AGBL3: variants seen among roughly 807,000 people sequenced by gnomAD.
AGBL3 encodes the protein cytosolic carboxypeptidase 3.
Under a neutral mutation model 94.5 loss-of-function variants are expected in AGBL3, and 68 were observed. That is an observed-to-expected ratio of 0.72 (90% CI 0.59 to 0.88). The LOEUF is 0.88. AGBL3 is among the 40% of genes least tolerant of loss of function. The pLI, the probability that AGBL3 is intolerant of heterozygous loss-of-function variation, is 0.00. For synonymous variants in AGBL3, 354 were observed against 370.7 expected, an observed-to-expected ratio of 0.95 and a Z score of 0.52; for missense variants, 934 against 1,103.8, an observed-to-expected ratio of 0.85 and a Z score of 2.18.
chr7:135,067,968 C>G (rs1206064907), intron 12 of AGBL3, among the ~76,000 whole-genome samples: 1 of 152,096 alleles, frequency 6.6e-6, no homozygotes, highest in African/African-American at 2.4e-5. Flanking sequence ...GAACCCATGG[C>G]AAAGAAGTTA....
At chr7:135,017,610 A>T (rs1419330223) in intron 5 of AGBL3, among the ~76,000 whole-genome samples, 2 of 152,234 alleles carry the variant, frequency 1.3e-5, no homozygotes, top group Non-Finnish European at 2.9e-5. Flanking sequence ...AATCAAACAT[A>T]GAAGTCTCAG....
chr7:135,081,643 G>T, intron 14 of AGBL3, 76 bp from the exon 15 acceptor site: 1 of 1,029,866 alleles, frequency 9.7e-7, no homozygotes, highest in South Asian at 2.1e-5. Flanking sequence ...TTTCCACTTT[G>T]AAAAAAGATG....
chr7:135,067,368 G>A (rs1010024665), intron 12 of AGBL3, among the ~76,000 whole-genome samples: 6 of 152,248 alleles, frequency 3.9e-5, no homozygotes, highest in African/African-American at 1.4e-4. Context: ...AAATGTCCCT[G>A]CCTGACAGCT....
intron 6 of AGBL3, among the ~76,000 whole-genome samples, chr7:135,033,309 A>G (rs1009287450): frequency 5.3e-5 from 8 of 152,216 alleles, no homozygotes; most frequent in Non-Finnish European, 1.2e-4. Flanking sequence ...CAAGGGCATT[A>G]TTTTATTTAA....
chr7:135,082,813 G>T (rs909980715), intron 15 of AGBL3, among the ~76,000 whole-genome samples: 3 of 151,848 alleles, frequency 2.0e-5, no homozygotes, highest in African/African-American at 7.3e-5. Flanking sequence ...ATATATATAT[G>T]CATGTGTGAA....
chr7:134,991,368 G>T (rs554213800), intron 3 of AGBL3, among the ~76,000 whole-genome samples: 1 of 152,098 alleles, frequency 6.6e-6, no homozygotes, highest in Non-Finnish European at 1.5e-5. Flanking sequence ...CACACTGTAA[G>T]GACCCCTTTT....
At chr7:135,000,015 T>C (rs1262542001) in intron 4 of AGBL3, among the ~76,000 whole-genome samples, 1 of 152,202 alleles carries the variant, frequency 6.6e-6, no homozygotes, top group Non-Finnish European at 1.5e-5. Flanking sequence ...GATTTCAAAG[T>C]AGGCTCCAGT....
chr7:135,132,100 A>G (rs183562146), intron 16 of AGBL3, among the ~76,000 whole-genome samples: 19 of 152,338 alleles, frequency 1.2e-4, no homozygotes, highest in Non-Finnish European at 2.5e-4. Flanking sequence ...CTAATAAAGG[A>G]AGAATTAATA....
intron 16 of AGBL3, among the ~76,000 whole-genome samples, chr7:135,133,528 T>C (rs1349881688): frequency 6.6e-6 from 1 of 152,196 alleles, no homozygotes; most frequent in Non-Finnish European, 1.5e-5. Flanking sequence ...CAAGAACTTT[T>C]ATATAGCTAG....
At chr7:135,111,231 C>T (rs1825596444) in intron 15 of AGBL3, among the ~76,000 whole-genome samples, 1 of 152,142 alleles carries the variant, frequency 6.6e-6, no homozygotes, top group Non-Finnish European at 1.5e-5. Flanking sequence ...GCTCTAGATC[C>T]CATGTCCATC....
intron 4 of AGBL3, among the ~76,000 whole-genome samples, chr7:135,003,988 T>C (rs918517767): frequency 2.0e-5 from 3 of 151,662 alleles, no homozygotes; most frequent in Non-Finnish European, 4.4e-5. Context: ...AAATATTTAA[T>C]AATGTTGCCT....
intron 5 of AGBL3, among the ~76,000 whole-genome samples, chr7:135,024,913 A>G (rs1238614090): frequency 6.7e-6 from 1 of 149,028 alleles, no homozygotes; most frequent in Non-Finnish European, 1.5e-5. Flanking sequence ...AACTCATACA[A>G]AAATACAGAA....
intron 12 of AGBL3, among the ~76,000 whole-genome samples, chr7:135,068,426 A>G (rs1288813431): frequency 6.6e-6 from 1 of 152,174 alleles, no homozygotes; most frequent in Non-Finnish European, 1.5e-5. Flanking sequence ...TCCAAGACAC[A>G]TAATTGTCAG....
chr7:135,076,536 C>T (rs1820469294), intron 13 of AGBL3, 68 bp downstream of exon 13: 1 of 1,234,316 alleles, frequency 8.1e-7, no homozygotes, highest in Non-Finnish European at 1.1e-6. Context: ...AAGTTATTTT[C>T]TCTTATACTT....
chr7:135,037,765 T>C (rs1315498971), intron 8 of AGBL3, among the ~76,000 whole-genome samples, 185 bp downstream of exon 8: 1 of 152,076 alleles, frequency 6.6e-6, no homozygotes, highest in African/African-American at 2.4e-5. Context: ...TTTGAAAATA[T>C]GGGGAAAAAA....
intron 4 of AGBL3, among the ~76,000 whole-genome samples, chr7:135,005,813 A>G (rs1812314729): frequency 2.6e-5 from 4 of 151,806 alleles, no homozygotes; most frequent in Non-Finnish European, 1.5e-5. Flanking sequence ...TTTTCATGAA[A>G]GTGAAAAAGC....
chr7:135,092,896 T>C (rs902416305), intron 15 of AGBL3: 15 of 152,138 alleles, frequency 9.9e-5, no homozygotes, highest in African/African-American at 3.4e-4. Context: ...CAATATAATA[T>C]ACCATGTTAA....
At chr7:135,094,003 T>A (rs1363513127) in intron 15 of AGBL3, 3 of 170,404 alleles carry the variant, frequency 1.8e-5, no homozygotes, top group African/African-American at 7.2e-5. Context: ...GGAAAAAAAA[T>A]AGTCTTTTCA....
chr7:135,008,901 A>G (rs1812747613), intron 4 of AGBL3, among the ~76,000 whole-genome samples: 1 of 152,232 alleles, frequency 6.6e-6, no homozygotes, highest in African/African-American at 2.4e-5. Flanking sequence ...ATCTTTAGTC[A>G]TAGGGAACTG....
Sources: gnomAD v4.1 joint callset for allele counts (sites outside exome capture counted in the v4.1 genomes callset) on GRCh38, gnomAD v4.1.1 for gene constraint, MANE v1.5 for transcripts, NCBI Gene and HGNC (gene_info 2026-07-23, HGNC 2026-07-21) for gene names.